Variants in CACNA2D3 observed in about 807,000 individuals in gnomAD.
CACNA2D3 encodes calcium voltage-gated channel auxiliary subunit alpha2delta 3.
CACNA2D3 carries 60 observed loss-of-function variants against 160.6 expected under a neutral mutation model. That is an observed-to-expected ratio of 0.37 (90% CI 0.30 to 0.46). The LOEUF is 0.46. Ranked by LOEUF, CACNA2D3 falls within the 20% of genes least tolerant of loss-of-function variation. The pLI, the probability that CACNA2D3 is intolerant of heterozygous loss-of-function variation, is 1.00. For synonymous variants in CACNA2D3, 558 were observed against 492.9 expected (o/e 1.13, Z -1.75); for missense variants, 1,205 against 1,365.0 (o/e 0.88, Z 1.85).
At chr3:54,217,019 A>T (rs116513449) in intron 2 of CACNA2D3, among the ~76,000 whole-genome samples, 1,666 of 152,250 alleles carry the variant, frequency 0.011, 26 homozygotes, top group African/African-American at 0.038. Flanking sequence ...GTGCTGTTAG[A>T]TGGTGTGGGG....
chr3:54,763,880 T>TGTACATATATATACATATATATAC lies in CACNA2D3; in HGVS notation c.1247-335_1247-334insCATATATATACATATATATACGTA, dbSNP rs1559574002. 3.2e-4 allele frequency among the ~76,000 whole-genome samples: 6 copies of TGTACATATATATACATATATATAC among 18,486 alleles called. 1 individual carries two copies. The highest frequency in any genetic ancestry group is 1.3e-3 in the African/African-American group (6 of 4,648). 12.1% of individuals were successfully genotyped at this position (18,486 alleles called of 152,430 possible). A position where few individuals can be genotyped will look rare whatever the true frequency, so the allele number is the denominator to read the frequency against. On this transcript the variant is annotated intron_variant, in intron 12 of 37. Transcript: ENST00000474759. ...ATACATATATATATACGTATATATA[T>TGTACATATATATACATATATATAC]GTATATATATGTATGTGGGGGGGGG... is the stretch of plus-strand genomic sequence containing the variant.
intron 2 of CACNA2D3, among the ~76,000 whole-genome samples, chr3:54,125,390 T>C (rs9881544): frequency 0.39 from 59,221 of 152,088 alleles, 11,648 homozygotes; most frequent in South Asian, 0.49. Context: ...ATTCACTAGC[T>C]TTGCTTTGCT....
chr3:54,211,445 G>A (rs1328220288), intron 2 of CACNA2D3, among the ~76,000 whole-genome samples: 1 of 152,176 alleles, frequency 6.6e-6, no homozygotes, highest in Non-Finnish European at 1.5e-5. Flanking sequence ...TTTTAGGATA[G>A]ATTACTGGAA....
At chr3:54,693,882 A>G (rs949851113) in intron 11 of CACNA2D3, among the ~76,000 whole-genome samples, 7 of 152,228 alleles carry the variant, frequency 4.6e-5, no homozygotes, top group Non-Finnish European at 1.0e-4. Flanking sequence ...ATGTGTTTAT[A>G]TTTTAAGTCA....
At chr3:54,623,874 C>T (rs1049506538) in intron 9 of CACNA2D3, among the ~76,000 whole-genome samples, 2 of 152,130 alleles carry the variant, frequency 1.3e-5, no homozygotes, top group Middle Eastern at 3.2e-3. Flanking sequence ...CCTAACTGGA[C>T]AGAGCAGCTC....
At position 54,263,326 on chromosome 3, in the gene CACNA2D3, T is replaced by C. The variant is rs533463920; in HGVS notation, c.205-57116T>C. On this transcript the variant is annotated intron_variant, in intron 2 of 37. Coordinates refer to ENST00000474759, the MANE Select transcript of CACNA2D3 (RefSeq NM_018398.3). ...AATTAATAGTCAGAAATAGTATACA[T>C]GTATTAAGTGCTTAATGTTTGCCAG... is the stretch of plus-strand genomic sequence containing the variant. Among the ~76,000 whole-genome samples the C allele has an allele frequency of 3.9e-5, 6 of 152,346 alleles. No individual in the cohort carries two copies. In the South Asian group the frequency reaches 1.0e-3, roughly 26 times the overall value.
chr3:54,981,989 C>T lies in CACNA2D3; in HGVS notation c.2557-2619C>T, dbSNP rs141289461. Among the ~76,000 whole-genome samples the T allele has an allele frequency of 1.8e-3, 273 of 152,270 alleles. 5 individuals carry two copies. Among genetic ancestry groups the T allele is most frequent in the East Asian group, 0.012 (60 of 5,158 alleles). Reference sequence around the variant, plus strand: ...AGCTCAGGGAGGCCAGAAAAAGACTCACCTATTGCAGTGAAACTAAAAAGT... The same window carrying T: ...AGCTCAGGGAGGCCAGAAAAAGACTTACCTATTGCAGTGAAACTAAAAAGT... On this transcript the variant is annotated intron_variant, in intron 29 of 37. Transcript: ENST00000474759.
intron 3 of CACNA2D3, among the ~76,000 whole-genome samples, chr3:54,362,987 G>A (rs1011502733): frequency 2.6e-5 from 4 of 152,094 alleles, no homozygotes; most frequent in African/African-American, 9.7e-5. Context: ...ATGAGGTCAG[G>A]AGATTGAGAC....
Position 54,736,033 on chromosome 3 carries a change from A to C in CACNA2D3, c.1168-16566A>C. Among the ~76,000 whole-genome samples the C allele has an allele frequency of 5.1e-5, 3 of 59,200 alleles. 1 individual carries two copies. In the Admixed American group the frequency reaches 6.8e-4, roughly 13 times the overall value. 38.8% of individuals were successfully genotyped at this position (59,200 alleles called of 152,430 possible). On this transcript the variant is annotated intron_variant, in intron 11 of 37. Transcript: ENST00000474759. Reference sequence around the variant, plus strand: ...TATATATATACACATACATATATATATGTATATATATACACATACATATGT... The same window carrying C: ...TATATATATACACATACATATATATCTGTATATATATACACATACATATGT...
At chr3:54,643,437 A>G (rs117341684) in intron 11 of CACNA2D3, among the ~76,000 whole-genome samples, 62 of 152,282 alleles carry the variant, frequency 4.1e-4, no homozygotes, top group East Asian at 1.5e-3. Context: ...TTCCCCTGCT[A>G]TCCAGTCTTG....
chr3:54,125,735 G>A (rs897393046), intron 2 of CACNA2D3, among the ~76,000 whole-genome samples: 1 of 152,180 alleles, frequency 6.6e-6, no homozygotes, highest in African/African-American at 2.4e-5. Flanking sequence ...TTTAAAATTA[G>A]CAAAGAACAT....
chr3:54,253,543 T>C (rs555328384), intron 2 of CACNA2D3, among the ~76,000 whole-genome samples: 8 of 152,164 alleles, frequency 5.3e-5, no homozygotes, highest in African/African-American at 1.9e-4. Context: ...CATTCATGAG[T>C]GATCCGGTCA....
intron 9 of CACNA2D3, among the ~76,000 whole-genome samples, chr3:54,610,660 G>A (rs955220423): frequency 3.3e-5 from 5 of 151,380 alleles, no homozygotes; most frequent in South Asian, 4.2e-4. Context: ...TTTCACTCTC[G>A]TCACCCAGGC....
At chr3:54,208,627 T>C (rs1362018221) in intron 2 of CACNA2D3, among the ~76,000 whole-genome samples, 2 of 152,324 alleles carry the variant, frequency 1.3e-5, no homozygotes, top group South Asian at 2.1e-4. Flanking sequence ...CAGGTGTCTC[T>C]CTTCTTGATG....
intron 2 of CACNA2D3, among the ~76,000 whole-genome samples, chr3:54,200,517 A>G (rs1430955030): frequency 2.0e-5 from 3 of 152,176 alleles, no homozygotes; most frequent in African/African-American, 7.2e-5. Context: ...ATCAAATAAA[A>G]TACACCGAGT....
At chr3:54,890,495 CAAAAAA>C (rs34740812) in intron 24 of CACNA2D3, among the ~76,000 whole-genome samples, 8 of 60,860 alleles carry the variant, frequency 1.3e-4, no homozygotes, top group Non-Finnish European at 1.9e-4. Context: ...GACTCCGTCT[CAAAAAA>C]AAAAAAAAAA....
intron 2 of CACNA2D3, among the ~76,000 whole-genome samples, chr3:54,314,063 C>A (rs1369692246): frequency 6.6e-6 from 1 of 152,016 alleles, no homozygotes; most frequent in African/African-American, 2.4e-5. Flanking sequence ...ACCCTTACTC[C>A]CTTTCTCCCT....
At chr3:55,059,786 T>TG (rs1276140249) in intron 35 of CACNA2D3, among the ~76,000 whole-genome samples, 1 of 151,894 alleles carries the variant, frequency 6.6e-6, no homozygotes, top group African/African-American at 2.4e-5. Flanking sequence ...TGGGATGGAT[T>TG]GGGGGGTGGA....
At chr3:54,977,873 T>C (rs921743335) in intron 29 of CACNA2D3, among the ~76,000 whole-genome samples, 1 of 152,188 alleles carries the variant, frequency 6.6e-6, no homozygotes, top group African/African-American at 2.4e-5. Context: ...AGAATGGGTG[T>C]TCCATAGGCA....
Sources: gnomAD v4.1 joint callset for allele counts (sites outside exome capture counted in the v4.1 genomes callset) on GRCh38, gnomAD v4.1.1 for gene constraint, MANE v1.5 for transcripts, NCBI Gene and HGNC (gene_info 2026-07-23, HGNC 2026-07-21) for gene names.